NIBAN2: variants seen among roughly 807,000 people sequenced by gnomAD.
The protein encoded by NIBAN2 is niban apoptosis regulator 2, also known as protein Niban 2.
A neutral mutation model predicts 81.8 loss-of-function variants in NIBAN2; 36 were observed. That is an observed-to-expected ratio of 0.44 (90% CI 0.34 to 0.58). NIBAN2 has a LOEUF of 0.58. Ranked by LOEUF, NIBAN2 falls within the 20% of genes least tolerant of loss-of-function variation. NIBAN2 has a pLI of 0.02. For missense variants in NIBAN2, 897 were observed against 1,014.1 expected (o/e 0.88, Z 1.57); for synonymous variants, 445 against 441.6 (o/e 1.01, Z -0.10).
At chr9:127,560,139 C>T (rs766002801) in intron 1 of NIBAN2, among the ~76,000 whole-genome samples, 2 of 152,170 alleles carry the variant, frequency 1.3e-5, no homozygotes, top group African/African-American at 2.4e-5. Flanking sequence ...TGGGAAAGGA[C>T]TGAGTTTCCT....
intron 1 of NIBAN2, among the ~76,000 whole-genome samples, chr9:127,566,370 T>C (rs996077195): frequency 6.6e-6 from 1 of 152,110 alleles, no homozygotes; most frequent in African/African-American, 2.4e-5. Context: ...CCAGGGATTC[T>C]TCCTCACGGC....
rs1024298901 is a variant in NIBAN2 at position 127,536,153 on chromosome 9, A to G, written c.56-4375T>C. Reference sequence around the variant, plus strand: ...GATGTCCTCAGCCAGCATGGAAGGAACCGCCACGTGCTTTGTACAGAGGAA... The same window carrying G: ...GATGTCCTCAGCCAGCATGGAAGGAGCCGCCACGTGCTTTGTACAGAGGAA... On this transcript the variant is annotated intron_variant, in intron 1 of 13. Coordinates refer to ENST00000373312, the MANE Select transcript of NIBAN2 (RefSeq NM_022833.4). This position sits in a 1 kb window ranked among gnomAD's most constrained non-coding sequence, Gnocchi z 4.0. 1.3e-5 allele frequency among the ~76,000 whole-genome samples: 2 copies of G among 152,154 alleles called. No individual in the cohort carries two copies. The highest frequency in any genetic ancestry group is 6.5e-5 in the Admixed American group (1 of 15,282).
intron 8 of NIBAN2, among the ~76,000 whole-genome samples, chr9:127,510,767 CTG>C (rs1305879605): frequency 1.3e-5 from 2 of 152,102 alleles, no homozygotes; most frequent in Non-Finnish European, 2.9e-5. Flanking sequence ...GGGTCTTACT[CTG>C]TTGTCCAGGC....
chr9:127,547,384 G>T, intron 1 of NIBAN2, among the ~76,000 whole-genome samples: 1 of 152,156 alleles, frequency 6.6e-6, no homozygotes, highest in East Asian at 1.9e-4. Flanking sequence ...AGGCATGGTG[G>T]CGCATGCCTA....
chr9:127,506,557 G>T lies in NIBAN2; in HGVS notation c.*288C>A. Reference sequence around the variant, plus strand: ...GAGGCCACAGAAGGACAGGAAGGGAGGGGCTTTCCAGCCCCCCAGCAGTGT... The same window carrying T: ...GAGGCCACAGAAGGACAGGAAGGGATGGGCTTTCCAGCCCCCCAGCAGTGT... On this transcript the variant is annotated 3_prime_UTR_variant, in exon 14 of 14. Coordinates refer to ENST00000373312, the MANE Select transcript of NIBAN2 (RefSeq NM_022833.4). The T allele has an allele frequency of 3.0e-6, 1 of 329,442 alleles. No individual in the cohort carries two copies. The allele number at this position is 329,442 out of a possible 1,614,324, so 20.4% of individuals were successfully genotyped here.
rs1192529490 is a variant in NIBAN2, at chr9:127,506,119, T to A, written c.*726A>T. Reference sequence around the variant, plus strand: ...GGCCCATAAAACCTCAGGCTCCCCATAACCCTCACTCAGCCATCTCACTCA... The same window carrying A: ...GGCCCATAAAACCTCAGGCTCCCCAAAACCCTCACTCAGCCATCTCACTCA... On this transcript the variant is annotated 3_prime_UTR_variant, in exon 14 of 14. Coordinates refer to ENST00000373312, the MANE Select transcript of NIBAN2 (RefSeq NM_022833.4). 1 of 139,684 alleles carries A rather than the reference T, an allele frequency of 7.2e-6. No homozygotes were observed. The highest frequency in any genetic ancestry group is 2.0e-4 in the East Asian group (1 of 5,122). The allele number at this position is 139,684 out of a possible 1,614,324, so 8.7% of individuals were successfully genotyped here.
intron 1 of NIBAN2, among the ~76,000 whole-genome samples, chr9:127,550,696 A>C (rs940210816): frequency 6.6e-6 from 1 of 152,086 alleles, no homozygotes; most frequent in African/African-American, 2.4e-5. Flanking sequence ...GTCCATATAA[A>C]CCAGGGCCTC....
At chr9:127,519,174 CAAAAAAAAAA>C (rs398046914) in intron 5 of NIBAN2, among the ~76,000 whole-genome samples, 1 of 39,290 alleles carries the variant, frequency 2.5e-5, no homozygotes, top group East Asian at 1.2e-3. Context: ...GACTCTGTCT[CAAAAAAAAAA>C]AAAAAAAAAA....
chr9:127,540,775 C>T (rs1380896565), intron 1 of NIBAN2, among the ~76,000 whole-genome samples: 1 of 152,262 alleles, frequency 6.6e-6, no homozygotes, highest in Non-Finnish European at 1.5e-5. Context: ...GGCTGCACGC[C>T]GGCGCCAGCC....
chr9:127,510,316 C>T lies in NIBAN2; in HGVS notation c.991G>A (p.Ala331Thr), dbSNP rs1432585831. The T allele has an allele frequency of 6.2e-7, 1 of 1,607,930 alleles. No homozygotes were observed. The highest frequency in any genetic ancestry group is 2.2e-5 in the East Asian group (1 of 44,646). Residue 331 changes from alanine (A) to threonine (T), a missense_variant, in exon 9 of 14, where the codon GCA becomes ACA. By Grantham distance (58) the Ala-to-Thr change is moderately conservative. Transcript: ENST00000373312. ...ACATGGTTCCGCACGCACACCTCTGCCTTGGGGAGGATGAAGGCTGTGCCC... is the reference window on the plus strand; with the variant it reads ...ACATGGTTCCGCACGCACACCTCTGTCTTGGGGAGGATGAAGGCTGTGCCC... ...SKIRAFILPKAEVCVRNHVQP... is the reference protein window; with the variant it reads ...SKIRAFILPKTEVCVRNHVQP...
intron 1 of NIBAN2, among the ~76,000 whole-genome samples, chr9:127,558,551 A>C (rs1837716600): frequency 6.6e-6 from 1 of 152,164 alleles, no homozygotes; most frequent in African/African-American, 2.4e-5. Context: ...CCTGAAAAAG[A>C]AAAGCAGACA....
intron 8 of NIBAN2, among the ~76,000 whole-genome samples, chr9:127,513,867 G>T (rs1836777727): frequency 6.6e-6 from 1 of 152,172 alleles, no homozygotes; most frequent in South Asian, 2.1e-4. Context: ...CTCTCTCGGG[G>T]TCTGGATCGG....
upstream of NIBAN2, among the ~76,000 whole-genome samples, chr9:127,570,145 T>G (rs1046397773): frequency 6.6e-6 from 1 of 152,204 alleles, no homozygotes; most frequent in Non-Finnish European, 1.5e-5. Flanking sequence ...ACTTCTCTCA[T>G]GCATTTCACG....
intron 1 of NIBAN2, among the ~76,000 whole-genome samples, chr9:127,558,934 G>A (rs1011015585): frequency 1.3e-5 from 2 of 152,200 alleles, no homozygotes; most frequent in East Asian, 1.9e-4. Flanking sequence ...CAAAGGCAGG[G>A]AGCACCAATC....
intron 5 of NIBAN2, among the ~76,000 whole-genome samples, chr9:127,521,580 G>A (rs1460813825): frequency 6.6e-6 from 1 of 150,672 alleles, no homozygotes; most frequent in African/African-American, 2.5e-5. Context: ...CCCCCGGAGT[G>A]AGCAATTCCA....
chr9:127,572,736 C>G (rs954045748), upstream of NIBAN2, among the ~76,000 whole-genome samples: 2 of 151,700 alleles, frequency 1.3e-5, no homozygotes, highest in African/African-American at 4.8e-5. Context: ...TAAATTGTTG[C>G]GAGGATTTTT....
At chr9:127,518,029 C>G (rs117609831) in intron 5 of NIBAN2, 88 bp from the exon 6 acceptor site, 1 of 756,468 alleles carries the variant, frequency 1.3e-6, no homozygotes, top group East Asian at 2.8e-5. Flanking sequence ...AAAACCCCCC[C>G]CACACACATG....
chr9:127,510,630 T>C (rs974979423), intron 8 of NIBAN2, among the ~76,000 whole-genome samples: 3 of 152,060 alleles, frequency 2.0e-5, no homozygotes, highest in African/African-American at 7.2e-5. Context: ...AGAGACGGGG[T>C]TTCACCATGT....
intron 1 of NIBAN2, among the ~76,000 whole-genome samples, chr9:127,540,904 G>A (rs1485715042): frequency 6.6e-6 from 1 of 152,206 alleles, no homozygotes; most frequent in African/African-American, 2.4e-5. Context: ...AGGGTTTCAG[G>A]GCTGAGAGGT....
Sources: gnomAD v4.1 joint callset for allele counts (sites outside exome capture counted in the v4.1 genomes callset) on GRCh38, gnomAD v4.1.1 for gene constraint, Gnocchi (gnomAD v3.1) non-coding constraint, MANE v1.5 for transcripts, NCBI Gene and HGNC (gene_info 2026-07-23, HGNC 2026-07-21) for gene names.